The following POU6F2 variants were observed in gnomAD, a reference collection of about 807,000 sequenced individuals.
POU6F2 encodes POU class 6 homeobox 2.
Under a neutral mutation model 71.3 loss-of-function variants are expected in POU6F2, and 31 were observed. The ratio of observed to expected loss-of-function variants is 0.43; its 90% CI spans 0.33 to 0.59. The LOEUF is 0.59. Ranked by LOEUF, POU6F2 falls within the 20% of genes least tolerant of loss-of-function variation. The pLI is 0.04. For missense variants in POU6F2, 783 were observed against 856.8 expected, an observed-to-expected ratio of 0.91 and a Z score of 1.07; for synonymous variants, 347 against 355.7, an observed-to-expected ratio of 0.98 and a Z score of 0.27.
intron 5 of POU6F2, among the ~76,000 whole-genome samples, chr7:39,362,544 C>T (rs1475513390): frequency 6.6e-6 from 1 of 152,114 alleles, no homozygotes; most frequent in Non-Finnish European, 1.5e-5. Flanking sequence ...AACTTCTGAT[C>T]TACAGTTCTG....
At chr7:39,163,280 G>A (rs1327660148) in intron 2 of POU6F2, among the ~76,000 whole-genome samples, 3 of 152,190 alleles carry the variant, frequency 2.0e-5, no homozygotes, top group African/African-American at 7.2e-5. Flanking sequence ...TAATTCTCAT[G>A]TTTGAATCTC....
intron 7 of POU6F2, among the ~76,000 whole-genome samples, chr7:39,450,228 G>C (rs1446910220): frequency 6.6e-6 from 1 of 152,192 alleles, no homozygotes; most frequent in Non-Finnish European, 1.5e-5. Context: ...GTCCTTCTCA[G>C]ACTGGTGCCT....
At chr7:39,304,444 A>T (rs1785013836) in intron 4 of POU6F2, among the ~76,000 whole-genome samples, 2 of 152,172 alleles carry the variant, frequency 1.3e-5, no homozygotes, top group Non-Finnish European at 2.9e-5. Context: ...ACCTCTGCTC[A>T]CTAATCTCTA....
chr7:39,080,878 ACT>A (rs1791105711), intron 1 of POU6F2, among the ~76,000 whole-genome samples: 1 of 151,888 alleles, frequency 6.6e-6, no homozygotes, highest in African/African-American at 2.4e-5. Flanking sequence ...GCTTATCAAA[ACT>A]CTGTTGGTTA....
At chr7:39,307,830 T>G (rs1233867936) in intron 4 of POU6F2, among the ~76,000 whole-genome samples, 1 of 151,978 alleles carries the variant, frequency 6.6e-6, no homozygotes, top group African/African-American at 2.4e-5. Flanking sequence ...TAGCCAGGCA[T>G]GTAGTCCCAG....
Position 39,460,479 on chromosome 7 carries a change from C to T in POU6F2, c.1490-68C>T, listed in dbSNP as rs2116162041. 18 of 1,536,552 alleles carry T rather than the reference C, an allele frequency of 1.2e-5. 1 individual carries two copies. The highest frequency in any genetic ancestry group is 1.7e-4 in the Middle Eastern group (1 of 5,918). ...TAAAGAGAGCCACTTTCTTATAAAC[C>T]GTAATAAACAGATATTGCTCGGCTG... On this transcript the variant is annotated intron_variant, in intron 8 of 9. Coordinates refer to ENST00000518318, the MANE Select transcript of POU6F2 (RefSeq NM_001370959.1). The surrounding 1 kb of genome is among the most constrained non-coding windows in gnomAD (Gnocchi z 4.4).
chr7:39,356,472 G>T (rs1156876551), intron 5 of POU6F2, among the ~76,000 whole-genome samples: 1 of 152,120 alleles, frequency 6.6e-6, no homozygotes, highest in Non-Finnish European at 1.5e-5. Context: ...CGTATATTGG[G>T]CACTTAGCAT....
chr7:39,056,464 G>T (rs1206495372), intron 1 of POU6F2, among the ~76,000 whole-genome samples: 1 of 151,624 alleles, frequency 6.6e-6, no homozygotes, highest in Non-Finnish European at 1.5e-5. Flanking sequence ...AACATTTTCT[G>T]GTGAATGTTC....
rs540118086 is a variant in POU6F2, at chr7:39,360,149, A to G, written c.972+20134A>G. Among the ~76,000 whole-genome samples the G allele has an allele frequency of 3.6e-4, 55 of 152,366 alleles. No individual in the cohort carries two copies. In the South Asian group the frequency reaches 9.3e-3, roughly 26 times the overall value. On this transcript the variant is annotated intron_variant, in intron 5 of 9. Coordinates refer to ENST00000518318, the MANE Select transcript of POU6F2 (RefSeq NM_001370959.1). ...GGTACTTTTCAACAGGGTAGTTAAC[A>G]TCCTTATTTAGAATTGCATTTTCAG...
intron 2 of POU6F2, among the ~76,000 whole-genome samples, chr7:39,103,726 G>A (rs1791621148): frequency 6.6e-6 from 1 of 152,126 alleles, no homozygotes; most frequent in South Asian, 2.1e-4. Flanking sequence ...GTAGTTTTGT[G>A]TTACTTGGAG....
At chr7:39,386,011 G>A (rs976403182) in intron 5 of POU6F2, among the ~76,000 whole-genome samples, 35 of 151,556 alleles carry the variant, frequency 2.3e-4, no homozygotes, top group Non-Finnish European at 3.8e-4. Flanking sequence ...CCAGCTACTC[G>A]AGAGGCTGAG....
intron 2 of POU6F2, among the ~76,000 whole-genome samples, chr7:39,202,835 G>T (rs1390313717): frequency 6.6e-6 from 1 of 152,186 alleles, no homozygotes. Context: ...TTTATAAAAT[G>T]TCAGCAAGTC....
At chr7:39,098,220 C>T (rs1263926764) in intron 2 of POU6F2, among the ~76,000 whole-genome samples, 1 of 151,892 alleles carries the variant, frequency 6.6e-6, no homozygotes, top group Non-Finnish European at 1.5e-5. Flanking sequence ...TACGTTTTTA[C>T]ATGTGTTCTC....
Position 39,040,107 on chromosome 7 carries a change from A to ATT in POU6F2, c.106-45752_106-45751dup. Among the ~76,000 whole-genome samples the ATT allele has an allele frequency of 3.2e-4, 2 of 6,254 alleles. 1 individual carries two copies. The highest frequency in any genetic ancestry group is 5.8e-4 in the Non-Finnish European group (2 of 3,448). The allele number at this position is 6,254 out of a possible 152,430, so 4.1% of individuals were successfully genotyped here. A position where few individuals can be genotyped will look rare whatever the true frequency, so the allele number is the denominator to read the frequency against. On this transcript the variant is annotated intron_variant, in intron 1 of 9. Transcript: ENST00000518318. ...ATATATGTATTATATATATGTATAT[A>ATT]TTATATACATTTATATATATATATA...
chr7:39,353,161 G>A (rs1337359306), intron 5 of POU6F2, among the ~76,000 whole-genome samples: 2 of 152,230 alleles, frequency 1.3e-5, no homozygotes, highest in East Asian at 1.9e-4. Context: ...GCCTGCCCCA[G>A]ATTGGACGGG....
intron 1 of POU6F2, among the ~76,000 whole-genome samples, chr7:39,023,477 G>T (rs1179561044): frequency 6.6e-6 from 1 of 151,982 alleles, no homozygotes; most frequent in Non-Finnish European, 1.5e-5. Flanking sequence ...GGAGAGAGAA[G>T]ACTAGGACCT....
intron 4 of POU6F2, among the ~76,000 whole-genome samples, chr7:39,261,012 TCACACATACACACTA>T (rs1784129452): frequency 6.6e-6 from 1 of 150,828 alleles, no homozygotes; most frequent in African/African-American, 2.4e-5. Context: ...AGCACATGTA[TCACACATACACACTA>T]CACACATACC....
intron 1 of POU6F2, among the ~76,000 whole-genome samples, chr7:39,046,068 G>T (rs1179930317): frequency 2.0e-5 from 3 of 151,736 alleles, no homozygotes. Flanking sequence ...TTTTACATTA[G>T]CATCAGCAGG....
intron 8 of POU6F2, among the ~76,000 whole-genome samples, chr7:39,455,092 T>C (rs1403674837): frequency 1.3e-5 from 2 of 152,144 alleles, no homozygotes; most frequent in Admixed American, 1.3e-4. Flanking sequence ...GAGGTGGATA[T>C]GGTTTTTATA....
Sources: gnomAD v4.1 joint callset for allele counts (sites outside exome capture counted in the v4.1 genomes callset) on GRCh38, gnomAD v4.1.1 for gene constraint, Gnocchi (gnomAD v3.1) non-coding constraint, MANE v1.5 for transcripts, NCBI Gene and HGNC (gene_info 2026-07-23, HGNC 2026-07-21) for gene names.